Variants in RUNX2 observed in about 807,000 individuals in gnomAD.
RUNX2 encodes the protein RUNX family transcription factor 2, also known as runt-related transcription factor 2.
RUNX2 carries 10 observed loss-of-function variants against 51.7 expected under a neutral mutation model. That is an observed-to-expected ratio of 0.19 (90% CI 0.12 to 0.33). RUNX2 has a LOEUF of 0.33. Among genes scored for constraint, RUNX2 ranks in the 10% least tolerant of loss-of-function variants. The pLI is 1.00. For missense variants in RUNX2, 562 were observed against 691.3 expected, an observed-to-expected ratio of 0.81 and a Z score of 2.10; for synonymous variants, 276 against 273.6, an observed-to-expected ratio of 1.01 and a Z score of -0.09.
At chr6:45,510,666 A>T (rs1021975447) in intron 6 of RUNX2, among the ~76,000 whole-genome samples, 1 of 152,094 alleles carries the variant, frequency 6.6e-6, no homozygotes, top group African/African-American at 2.4e-5. Flanking sequence ...GATAATTTGA[A>T]ACCTATTCCA....
At chr6:45,406,563 C>T (rs1483816524) in intron 2 of RUNX2, among the ~76,000 whole-genome samples, 2 of 152,038 alleles carry the variant, frequency 1.3e-5, no homozygotes, top group Non-Finnish European at 2.9e-5. Context: ...TACAGGCACG[C>T]CTGGCTAATT....
intron 7 of RUNX2, among the ~76,000 whole-genome samples, chr6:45,514,272 C>T (rs1370745408): frequency 6.6e-6 from 1 of 152,164 alleles, no homozygotes; most frequent in African/African-American, 2.4e-5. Context: ...CATTGTTTAT[C>T]ATGTACATGT....
chr6:45,534,061 A>C (rs1801954249), intron 7 of RUNX2, among the ~76,000 whole-genome samples: 1 of 151,602 alleles, frequency 6.6e-6, no homozygotes, highest in Non-Finnish European at 1.5e-5. Context: ...CGCCTGGCTA[A>C]TTTTTGTATT....
At chr6:45,337,872 AT>A (rs1033814954) in intron 2 of RUNX2, among the ~76,000 whole-genome samples, 1 of 151,960 alleles carries the variant, frequency 6.6e-6, no homozygotes, top group African/African-American at 2.4e-5. Context: ...ATAAGATTTT[AT>A]TTTTTTAGAG....
chr6:45,549,177 T>C lies in RUNX2; in HGVS notation c.*1872T>C. Reference sequence around the variant, plus strand: ...CTTAATCCAAACAAGGATCATCTAATGACACCACCAGGCCAATCCCTGCTC... The same window carrying C: ...CTTAATCCAAACAAGGATCATCTAACGACACCACCAGGCCAATCCCTGCTC... On this transcript the variant is annotated 3_prime_UTR_variant, in exon 9 of 9. Transcript: ENST00000647337. 2.5e-6 allele frequency: 1 copy of C among 398,572 alleles called. No individual in the cohort carries two copies. Among genetic ancestry groups the C allele is most frequent in the East Asian group, 3.6e-5 (1 of 28,062 alleles). The allele number at this position is 398,572 out of a possible 1,614,324, so 24.7% of individuals were successfully genotyped here.
chr6:45,398,769 C>T (rs1404455919), intron 2 of RUNX2, among the ~76,000 whole-genome samples: 1 of 152,156 alleles, frequency 6.6e-6, no homozygotes, highest in Non-Finnish European at 1.5e-5. Flanking sequence ...TAATAAGTGC[C>T]ATGTGGCATG....
At chr6:45,496,337 C>A (rs762710896) in intron 6 of RUNX2, among the ~76,000 whole-genome samples, 3 of 152,038 alleles carry the variant, frequency 2.0e-5, no homozygotes, top group Non-Finnish European at 2.9e-5. Context: ...TTAATGAGTG[C>A]GTATTATCTG....
chr6:45,520,799 C>T (rs1356557551), intron 7 of RUNX2, among the ~76,000 whole-genome samples: 1 of 152,070 alleles, frequency 6.6e-6, no homozygotes, highest in South Asian at 2.1e-4. Context: ...CGGCTCACTA[C>T]AGCCTCTGCC....
chr6:45,544,594 C>T (rs1304399329), intron 7 of RUNX2, among the ~76,000 whole-genome samples: 2 of 152,166 alleles, frequency 1.3e-5, no homozygotes, highest in Non-Finnish European at 2.9e-5. Context: ...CACACGTTGG[C>T]GTTTTAAGTG....
intron 7 of RUNX2, among the ~76,000 whole-genome samples, chr6:45,527,657 G>A (rs1487117155): frequency 1.3e-5 from 2 of 152,182 alleles, no homozygotes; most frequent in Admixed American, 1.3e-4. Flanking sequence ...GGAGTTACTT[G>A]ATTTATTAAA....
At chr6:45,533,683 T>C (rs1047313769) in intron 7 of RUNX2, among the ~76,000 whole-genome samples, 1 of 152,158 alleles carries the variant, frequency 6.6e-6, no homozygotes, top group African/African-American at 2.4e-5. Context: ...TACATGGTTT[T>C]AGGCTAAATC....
intron 2 of RUNX2, chr6:45,365,186 C>A: frequency 6.7e-7 from 1 of 1,482,440 alleles, no homozygotes; most frequent in African/African-American, 1.4e-5. Context: ...CAATAGCATG[C>A]AGGGACATAC....
At chr6:45,416,752 G>A (rs1798075781) in intron 2 of RUNX2, among the ~76,000 whole-genome samples, 1 of 152,122 alleles carries the variant, frequency 6.6e-6, no homozygotes, top group Admixed American at 6.5e-5. Context: ...TGGTATTTTA[G>A]TCAAACAAAA....
intron 3 of RUNX2, among the ~76,000 whole-genome samples, chr6:45,430,397 A>C (rs575532617): frequency 6.6e-6 from 1 of 152,224 alleles, no homozygotes; most frequent in Non-Finnish European, 1.5e-5. Context: ...TGAATAACAC[A>C]GTACTAAATG....
At chr6:45,456,210 T>G (rs1405253010) in intron 5 of RUNX2, among the ~76,000 whole-genome samples, 1 of 152,244 alleles carries the variant, frequency 6.6e-6, no homozygotes, top group Non-Finnish European at 1.5e-5. Context: ...TTTTCCTAAA[T>G]GTATTTGTAT....
At chr6:45,523,751 G>A (rs1801580193) in intron 7 of RUNX2, among the ~76,000 whole-genome samples, 1 of 151,770 alleles carries the variant, frequency 6.6e-6, no homozygotes, top group South Asian at 2.1e-4. Context: ...TGGCCAACAT[G>A]GTAAAACCCC....
chr6:45,472,700 C>A lies in RUNX2; in HGVS notation c.686-19241C>A, dbSNP rs116654559. ...ACACTGCTTTCCTTATAGTCTTTGT[C>A]TCTGTCTCTCTCTTTTAAAGAGTAT... On this transcript the variant is annotated intron_variant, in intron 5 of 8. Coordinates refer to ENST00000647337, the MANE Select transcript of RUNX2 (RefSeq NM_001024630.4). 9.0e-3 allele frequency among the ~76,000 whole-genome samples: 1,366 copies of A among 152,246 alleles called. 20 individuals carry two copies. Among genetic ancestry groups the A allele is most frequent in the African/African-American group, 0.031 (1,277 of 41,516 alleles).
chr6:45,422,744 G>T lies in RUNX2; in HGVS notation c.210G>T (p.Gln70His), dbSNP rs763117080. ...QQQQQQQQQQ[Q>H]QEAAAAAAAA... Reference sequence around the variant, plus strand: ...AGCAGCAGCAACAGCAGCAGCAGCAGCAGGAGGCGGCGGCGGCGGCTGCGG... The same window carrying T: ...AGCAGCAGCAACAGCAGCAGCAGCATCAGGAGGCGGCGGCGGCGGCTGCGG... Residue 70 changes from glutamine to histidine, a missense_variant, in exon 3 of 9, where the codon CAG becomes CAT. By Grantham distance (24) the Gln-to-His change is conservative. Around this residue, in one of 5 missense-constraint regions of RUNX2, gnomAD observed 153 missense variants for 144.8 expected, o/e 1.06. Coordinates refer to ENST00000647337, the MANE Select transcript of RUNX2 (RefSeq NM_001024630.4). 21 of 1,548,460 alleles carry T rather than the reference G, an allele frequency of 1.4e-5. No homozygotes were observed. The highest frequency in any genetic ancestry group is 1.4e-5 in the African/African-American group (1 of 70,298).
chr6:45,548,368 T>C lies in RUNX2; in HGVS notation c.*1063T>C, dbSNP rs1159215325. ...GCAATTTCAGTTCATCCAGGCACAA[T>C]GTGATTTTAAAAAATACTTCCATCT... is the stretch of plus-strand genomic sequence containing the variant. On this transcript the variant is annotated 3_prime_UTR_variant, in exon 9 of 9. Transcript: ENST00000647337. 1.3e-5 allele frequency: 2 copies of C among 152,648 alleles called. No individual in the cohort carries two copies. Among genetic ancestry groups the C allele is most frequent in the East Asian group, 3.8e-4 (2 of 5,198 alleles). The allele number at this position is 152,648 out of a possible 1,614,324, so 9.5% of individuals were successfully genotyped here. A position where few individuals can be genotyped will look rare whatever the true frequency, so the allele number is the denominator to read the frequency against.
Sources: gnomAD v4.1 joint callset for allele counts (sites outside exome capture counted in the v4.1 genomes callset) on GRCh38, gnomAD v4.1.1 for gene constraint, gnomAD v4.1.1 regional missense constraint, MANE v1.5 for transcripts, NCBI Gene and HGNC (gene_info 2026-07-23, HGNC 2026-07-21) for gene names.